The following DDHD1 variants were observed in gnomAD, a reference collection of about 807,000 sequenced individuals.
DDHD1 encodes phospholipase DDHD1.
A neutral mutation model predicts 96.4 loss-of-function variants in DDHD1; 49 were observed. That is an observed-to-expected ratio of 0.51 (90% CI 0.40 to 0.64). The LOEUF (loss-of-function observed/expected upper bound fraction) is 0.64, where lower values mean the gene tolerates loss of function less well. DDHD1 is among the 30% of genes least tolerant of loss of function. The pLI is 0.00. For missense variants in DDHD1, 1,106 were observed against 1,161.2 expected, an observed-to-expected ratio of 0.95 and a Z score of 0.69; for synonymous variants, 442 against 446.5, an observed-to-expected ratio of 0.99 and a Z score of 0.13.
chr14:53,089,023 A>G (rs2139987651), intron 4 of DDHD1, among the ~76,000 whole-genome samples: 1 of 152,316 alleles, frequency 6.6e-6, no homozygotes, highest in South Asian at 2.1e-4. Flanking sequence ...CTTATAAACC[A>G]ATAACAGACA....
At chr14:53,082,497 G>A (rs1217821788) in intron 4 of DDHD1, among the ~76,000 whole-genome samples, 1 of 137,994 alleles carries the variant, frequency 7.2e-6, no homozygotes, top group Non-Finnish European at 1.5e-5. Context: ...GGTGGCTCAC[G>A]CCTGTGATCC....
intron 1 of DDHD1, among the ~76,000 whole-genome samples, chr14:53,118,345 G>A (rs72688276): frequency 0.051 from 7,747 of 152,064 alleles, 272 homozygotes; most frequent in Non-Finnish European, 0.073. Context: ...GCTTCAGGTC[G>A]GTAATAACAA....
rs1367743162 is a variant in DDHD1, at chr14:53,153,194, G to A, written c.-96C>T. ...AACGCCGCCGCCCTCTCCACCCGAA[G>A]TTTCTAATCTTTCAAATCCCGACCC... On this transcript the variant is annotated 5_prime_UTR_variant, in exon 1 of 13. Coordinates refer to ENST00000673822, the MANE Select transcript of DDHD1 (RefSeq NM_001160148.2). The A allele has an allele frequency of 2.7e-6, 3 of 1,125,712 alleles. No individual in the cohort carries two copies. The highest frequency in any genetic ancestry group is 2.3e-6 in the Non-Finnish European group (2 of 860,448). The allele number at this position is 1,125,712 out of a possible 1,614,324, so 69.7% of individuals were successfully genotyped here.
intron 1 of DDHD1, among the ~76,000 whole-genome samples, chr14:53,132,165 TAACTCA>T: frequency 6.6e-6 from 1 of 152,254 alleles, no homozygotes; most frequent in African/African-American, 2.4e-5. Flanking sequence ...TAGCTCTCCC[TAACTCA>T]TCCCAACCCT....
At chr14:53,070,063 C>T (rs1884382423) in intron 6 of DDHD1, among the ~76,000 whole-genome samples, 1 of 152,182 alleles carries the variant, frequency 6.6e-6, no homozygotes, top group Non-Finnish European at 1.5e-5. Flanking sequence ...TCAGTCACCA[C>T]TAGCCAACAG....
intron 1 of DDHD1, among the ~76,000 whole-genome samples, chr14:53,129,225 C>T (rs531875064): frequency 3.3e-4 from 51 of 152,328 alleles, no homozygotes; most frequent in African/African-American, 1.2e-3. Flanking sequence ...GACCAGCCCC[C>T]TGTCCTTGCC....
intron 2 of DDHD1, among the ~76,000 whole-genome samples, chr14:53,098,558 G>C (rs910201431): frequency 6.6e-6 from 1 of 151,610 alleles, no homozygotes; most frequent in Admixed American, 6.6e-5. Context: ...AATCTTTCTT[G>C]GACCTCAGAG....
chr14:53,141,370 TA>T (rs1890630090), intron 1 of DDHD1, among the ~76,000 whole-genome samples: 1 of 152,196 alleles, frequency 6.6e-6, no homozygotes, highest in Non-Finnish European at 1.5e-5. Flanking sequence ...CCATTTAGAC[TA>T]GGGGGTTTAT....
At chr14:53,067,173 A>C (rs1489924848) in intron 6 of DDHD1, among the ~76,000 whole-genome samples, 1 of 145,832 alleles carries the variant, frequency 6.9e-6, no homozygotes, top group Non-Finnish European at 1.5e-5. Context: ...TTTTTTTTTT[A>C]AATGAGATGG....
intron 12 of DDHD1, among the ~76,000 whole-genome samples, chr14:53,049,347 C>A (rs189996771): frequency 9.9e-5 from 15 of 152,262 alleles, no homozygotes; most frequent in Admixed American, 9.2e-4. Context: ...AAAAGGTTTA[C>A]CCCAGGCAGT....
At chr14:53,054,314 C>T in intron 11 of DDHD1, 124 bp downstream of exon 11, 1 of 820,092 alleles carries the variant, frequency 1.2e-6, no homozygotes, top group Admixed American at 3.2e-5. Flanking sequence ...TTTTTTCTTT[C>T]AAAGTTAAGG....
intron 1 of DDHD1, among the ~76,000 whole-genome samples, chr14:53,148,882 C>T (rs532929171): frequency 3.6e-4 from 55 of 152,212 alleles, no homozygotes; most frequent in South Asian, 2.3e-3. Context: ...GTACAATGTG[C>T]CAACCACTGT....
chr14:53,092,832 G>C (rs974842660), intron 3 of DDHD1: 1 of 153,360 alleles, frequency 6.5e-6, no homozygotes, highest in Admixed American at 6.6e-5. Flanking sequence ...CTGGGAGACA[G>C]AGTGAGACCC....
intron 1 of DDHD1, among the ~76,000 whole-genome samples, chr14:53,140,885 G>A (rs1309965004): frequency 1.3e-5 from 2 of 152,118 alleles, no homozygotes; most frequent in African/African-American, 2.4e-5. Context: ...GATACAAATT[G>A]CAAATACTAA....
chr14:53,152,991 G>GT lies in DDHD1; in HGVS notation c.107_108insA (p.Gly37ArgfsTer50). The GT allele has an allele frequency of 1.9e-6, 3 of 1,549,330 alleles. No homozygotes were observed. The highest frequency in any genetic ancestry group is 2.6e-6 in the Non-Finnish European group (3 of 1,150,154). ...GCAGGTGCTCGAAGCAGCAGACGCCGCCGCCGAACGCTGGCCTCGCGTCTG... is the reference window on the plus strand; with the variant it reads ...GCAGGTGCTCGAAGCAGCAGACGCCGTCCGCCGAACGCTGGCCTCGCGTCTG... On this transcript the variant is annotated frameshift_variant, in exon 1 of 13. Coordinates refer to ENST00000673822, the MANE Select transcript of DDHD1 (RefSeq NM_001160148.2). LOFTEE classifies it high-confidence loss of function.
At chr14:53,047,472 T>A (rs966803228) in intron 12 of DDHD1, among the ~76,000 whole-genome samples, 1 of 152,176 alleles carries the variant, frequency 6.6e-6, no homozygotes, top group African/African-American at 2.4e-5. Flanking sequence ...TCTTCTCTAC[T>A]AGGCTGAATG....
At chr14:53,119,434 A>G (rs1368607977) in intron 1 of DDHD1, among the ~76,000 whole-genome samples, 1 of 152,208 alleles carries the variant, frequency 6.6e-6, no homozygotes, top group African/African-American at 2.4e-5. Flanking sequence ...GAAAGAAAGA[A>G]TCCTCCCTAA....
intron 7 of DDHD1, 99 bp downstream of exon 7, chr14:53,062,844 G>T: frequency 8.1e-7 from 1 of 1,241,976 alleles, no homozygotes; most frequent in Non-Finnish European, 1.1e-6. Flanking sequence ...CTTGAACAAT[G>T]CATTATTTCT....
rs1320771964 is a variant in DDHD1, at chr14:53,077,662, TG to T, written c.1290-3816del. On this transcript the variant is annotated intron_variant, in intron 4 of 12. Coordinates refer to ENST00000673822, the MANE Select transcript of DDHD1 (RefSeq NM_001160148.2). ...CTTTTGACACAACTTCATTAGTTTT[TG>T]TTTTTGTTTTTTTTTTTTAAAAAAC... Among the ~76,000 whole-genome samples the T allele has an allele frequency of 4.2e-3, 345 of 81,274 alleles. 1 individual carries two copies. Among genetic ancestry groups the T allele is most frequent in the African/African-American group, 7.5e-3 (215 of 28,694 alleles). 53.3% of individuals were successfully genotyped at this position (81,274 alleles called of 152,430 possible).
Sources: gnomAD v4.1 joint callset for allele counts (sites outside exome capture counted in the v4.1 genomes callset) on GRCh38, gnomAD v4.1.1 for gene constraint, MANE v1.5 for transcripts, NCBI Gene and HGNC (gene_info 2026-07-23, HGNC 2026-07-21) for gene names.